The following ZNF678 variants were observed in gnomAD, a reference collection of about 807,000 sequenced individuals.
The protein encoded by ZNF678 is hypothetical protein MGC42493.
A neutral mutation model predicts 3.0 loss-of-function variants in ZNF678; 5 were observed. The ratio of observed to expected loss-of-function variants is 1.69; its 90% CI spans 0.88 to 3.56. The LOEUF (loss-of-function observed/expected upper bound fraction) is 3.56, where lower values mean the gene tolerates loss of function less well. ZNF678 is among the 30% of genes most tolerant of loss of function. The pLI, the probability that ZNF678 is intolerant of heterozygous loss-of-function variation, is 0.00. For synonymous variants in ZNF678, 218 were observed against 199.6 expected, an observed-to-expected ratio of 1.09 and a Z score of -0.78; for missense variants, 593 against 605.0, an observed-to-expected ratio of 0.98 and a Z score of 0.21.
At chr1:227,616,812 TGA>T (rs1259496242) in intron 1 of ZNF678, among the ~76,000 whole-genome samples, 1 of 152,218 alleles carries the variant, frequency 6.6e-6, no homozygotes, top group African/African-American at 2.4e-5. Flanking sequence ...TCTCTTCCTC[TGA>T]GAGCTGATTA....
At chr1:227,631,256 C>A (rs377045052) in intron 1 of ZNF678, among the ~76,000 whole-genome samples, 9 of 152,250 alleles carry the variant, frequency 5.9e-5, no homozygotes, top group Admixed American at 6.5e-5. Flanking sequence ...GCGTAACCAC[C>A]CATGGACCTC....
In ZNF678 at chr1:227,654,887, G is replaced by C; in HGVS notation, c.637G>C (p.Glu213Gln). Residue 213 changes from glutamate to glutamine, a missense_variant, in exon 4 of 4, where the codon GAA becomes CAA. Transcript: ENST00000343776. ...TGGAGAGAAACCATACCCATGTGAA[G>C]AATGTGGCAAAGCCTTTACCCAGTT... ...HSGEKPYPCE[E>Q]CGKAFTQFSN... 1 of 1,608,718 alleles carries C rather than the reference G, an allele frequency of 6.2e-7. No homozygotes were observed.
intron 1 of ZNF678, among the ~76,000 whole-genome samples, chr1:227,611,790 G>T (rs1658027391): frequency 6.6e-6 from 1 of 152,112 alleles, no homozygotes; most frequent in Non-Finnish European, 1.5e-5. Flanking sequence ...AGTTTATCTA[G>T]TTCTGTCTGA....
At chr1:227,601,342 T>C (rs1657732551) in intron 1 of ZNF678, among the ~76,000 whole-genome samples, 1 of 152,216 alleles carries the variant, frequency 6.6e-6, no homozygotes. Flanking sequence ...ATTTTAATAA[T>C]ACTGATTTTT....
At chr1:227,628,860 G>C (rs1658480752) in intron 1 of ZNF678, among the ~76,000 whole-genome samples, 1 of 152,250 alleles carries the variant, frequency 6.6e-6, no homozygotes, top group Non-Finnish European at 1.5e-5. Flanking sequence ...GTCCAGGTGA[G>C]TTGAGATATT....
intron 1 of ZNF678, among the ~76,000 whole-genome samples, chr1:227,606,793 A>C (rs1189341730): frequency 6.6e-6 from 1 of 152,152 alleles, no homozygotes. Context: ...TACCAAGCAT[A>C]CTGTCTGCAG....
chr1:227,600,591 T>G (rs914390378), intron 1 of ZNF678, among the ~76,000 whole-genome samples: 2 of 152,240 alleles, frequency 1.3e-5, no homozygotes, highest in Non-Finnish European at 2.9e-5. Flanking sequence ...ATATCTTTTT[T>G]TTGAAAAGTG....
At chr1:227,639,468 T>A (rs567461557) in intron 1 of ZNF678, among the ~76,000 whole-genome samples, 1 of 152,284 alleles carries the variant, frequency 6.6e-6, no homozygotes, top group South Asian at 2.1e-4. Flanking sequence ...CAGGGTTGGA[T>A]TGGGAGATGA....
At chr1:227,647,182 G>T (rs1371240294) in intron 2 of ZNF678, among the ~76,000 whole-genome samples, 1 of 152,186 alleles carries the variant, frequency 6.6e-6, no homozygotes, top group East Asian at 1.9e-4. Context: ...ACTTGAACCT[G>T]AGAGGCAGAG....
intron 5 of ZNF678, among the ~76,000 whole-genome samples, chr1:227,668,699 T>A (rs1430152304): frequency 1.3e-5 from 2 of 152,222 alleles, no homozygotes; most frequent in Non-Finnish European, 2.9e-5. Flanking sequence ...GTTTAAAATA[T>A]AATTTGAATT....
chr1:227,667,051 CT>C (rs74603125), downstream of ZNF678, among the ~76,000 whole-genome samples: 29 of 146,120 alleles, frequency 2.0e-4, no homozygotes, highest in Admixed American at 3.4e-4. Flanking sequence ...GGCCTCTCCT[CT>C]TTTTTTTTTT....
intron 1 of ZNF678, among the ~76,000 whole-genome samples, chr1:227,565,018 C>T (rs1366020690): frequency 2.0e-5 from 3 of 149,588 alleles, no homozygotes; most frequent in African/African-American, 7.4e-5. Flanking sequence ...CAGGCGTGAG[C>T]CACCACGCCT....
At chr1:227,567,396 T>C (rs1271813267) in intron 1 of ZNF678, among the ~76,000 whole-genome samples, 1 of 152,206 alleles carries the variant, frequency 6.6e-6, no homozygotes, top group Non-Finnish European at 1.5e-5. Context: ...TGACTCTAAG[T>C]TAAGGCCAAT....
intron 1 of ZNF678, among the ~76,000 whole-genome samples, chr1:227,634,168 G>A (rs1658619609): frequency 6.6e-6 from 1 of 152,172 alleles, no homozygotes; most frequent in African/African-American, 2.4e-5. Context: ...CCCAGTCCTT[G>A]CAGAATTTAC....
At chr1:227,653,266 T>A (rs1659131819) in intron 3 of ZNF678, among the ~76,000 whole-genome samples, 1 of 151,746 alleles carries the variant, frequency 6.6e-6, no homozygotes, top group Non-Finnish European at 1.5e-5. Context: ...TATTCTTGAT[T>A]TTTTTTTACA....
At chr1:227,595,155 G>GTTT (rs34323136) in intron 1 of ZNF678, among the ~76,000 whole-genome samples, 1 of 148,178 alleles carries the variant, frequency 6.7e-6, no homozygotes, top group South Asian at 2.1e-4. Context: ...AAGGTACGCT[G>GTTT]TTTTTTTTTT....
chr1:227,604,412 G>T (rs760607986), intron 1 of ZNF678, among the ~76,000 whole-genome samples: 1 of 152,062 alleles, frequency 6.6e-6, no homozygotes, highest in Non-Finnish European at 1.5e-5. Context: ...TTGAGACAGG[G>T]CTTCACTTGG....
chr1:227,659,009 T>C lies in ZNF678; in HGVS notation c.*3181T>C, dbSNP rs1659328485. On this transcript the variant is annotated 3_prime_UTR_variant, in exon 4 of 4. Coordinates refer to ENST00000343776, the MANE Select transcript of ZNF678 (RefSeq NM_001367909.1). ...ACACTTAATGGCAAGCAAAAAAGTT[T>C]AAATTTAGTTTTTTATAAATTACAT... The C allele has an allele frequency of 6.6e-6, 1 of 152,088 alleles. No homozygotes were observed. Among genetic ancestry groups the C allele is most frequent in the East Asian group, 1.9e-4 (1 of 5,194 alleles). The allele number at this position is 152,088 out of a possible 1,614,324, so 9.4% of individuals were successfully genotyped here.
At chr1:227,629,115 A>G (rs764028739) in intron 1 of ZNF678, among the ~76,000 whole-genome samples, 1 of 152,114 alleles carries the variant, frequency 6.6e-6, no homozygotes, top group African/African-American at 2.4e-5. Flanking sequence ...TGCAGGGGCT[A>G]TTGCATGGTT....
Sources: gnomAD v4.1 joint callset for allele counts (sites outside exome capture counted in the v4.1 genomes callset) on GRCh38, gnomAD v4.1.1 for gene constraint, MANE v1.5 for transcripts, NCBI Gene and HGNC (gene_info 2026-07-23, HGNC 2026-07-21) for gene names.